Variants in MYO16 observed in about 807,000 individuals in gnomAD.
The protein encoded by MYO16 is unconventional myosin-XVI.
MYO16 carries 94 observed loss-of-function variants against 205.3 expected under a neutral mutation model. The observed-to-expected ratio is 0.46, with a 90% CI of 0.39 to 0.54. The LOEUF is 0.54. Among genes scored for constraint, MYO16 ranks in the 20% least tolerant of loss-of-function variants. The pLI is 0.00. For missense variants in MYO16, 2,315 were observed against 2,387.5 expected (o/e 0.97, Z 0.63); for synonymous variants, 988 against 954.0 (o/e 1.04, Z -0.66).
At chr13:108,914,767 T>G (rs1881414058) in intron 16 of MYO16, among the ~76,000 whole-genome samples, 1 of 152,128 alleles carries the variant, frequency 6.6e-6, no homozygotes, top group African/African-American at 2.4e-5. Flanking sequence ...ATCGGCCTCC[T>G]GAATAGCTGG....
At chr13:108,764,301 G>A (rs1411587855) in intron 4 of MYO16, among the ~76,000 whole-genome samples, 3 of 152,126 alleles carry the variant, frequency 2.0e-5, no homozygotes, top group Admixed American at 2.0e-4. Context: ...GTACACATTC[G>A]GGACATCAAT....
chr13:108,761,446 G>A (rs1445026654), intron 4 of MYO16, among the ~76,000 whole-genome samples: 1 of 142,994 alleles, frequency 7.0e-6, no homozygotes, highest in Admixed American at 7.3e-5. Context: ...TAGTGAAGCC[G>A]AGGGGGGAGA....
At chr13:108,800,150 T>C (rs533304831) in intron 6 of MYO16, among the ~76,000 whole-genome samples, 1 of 152,204 alleles carries the variant, frequency 6.6e-6, no homozygotes, top group African/African-American at 2.4e-5. Context: ...CTGTGCTTGC[T>C]CCATGAGGCA....
At chr13:109,037,656 C>A (rs1490343448) in intron 23 of MYO16, among the ~76,000 whole-genome samples, 1 of 150,622 alleles carries the variant, frequency 6.6e-6, no homozygotes, top group African/African-American at 2.5e-5. Flanking sequence ...ATCTCCAAAG[C>A]CACCGAGAGA....
At chr13:108,695,565 A>T (rs1883060420) in intron 2 of MYO16, among the ~76,000 whole-genome samples, 1 of 151,992 alleles carries the variant, frequency 6.6e-6, no homozygotes, top group South Asian at 2.1e-4. Context: ...CAAAAAAAAA[A>T]AGTTTTGGGG....
chr13:108,636,355 T>TGTGTGTG (rs1402041651), intron 1 of MYO16, among the ~76,000 whole-genome samples: 1 of 34,962 alleles, frequency 2.9e-5, no homozygotes, highest in Non-Finnish European at 5.5e-5. Flanking sequence ...CCTTTTTTTT[T>TGTGTGTG]TTTTTTTTTT....
chr13:109,141,406 T>G lies in MYO16; in HGVS notation c.5164+30T>G. 1 of 1,382,032 alleles carries G rather than the reference T, an allele frequency of 7.2e-7. No homozygotes were observed. The highest frequency in any genetic ancestry group is 2.8e-5 in the East Asian group (1 of 36,318). The allele number at this position is 1,382,032 out of a possible 1,614,324, so 85.6% of individuals were successfully genotyped here. On this transcript the variant is annotated intron_variant, in intron 32 of 34. Coordinates refer to ENST00000457511, the MANE Select transcript of MYO16 (RefSeq NM_001198950.3). This position sits in a 1 kb window ranked among gnomAD's most constrained non-coding sequence, Gnocchi z 4.1. ...GCGGAGCAGACATCCCCCCACTCCT[T>G]TTGCATGGACGCTGTGCTTGCGTGC...
intron 28 of MYO16, 117 bp from the exon 29 acceptor site, chr13:109,120,253 T>A: frequency 1.5e-6 from 1 of 671,812 alleles, no homozygotes; most frequent in Non-Finnish European, 2.5e-6. Context: ...TGTACTCTAA[T>A]TTTCTGAGTT....
chr13:109,198,459 T>C (rs966880693), intron 34 of MYO16, among the ~76,000 whole-genome samples: 4 of 152,180 alleles, frequency 2.6e-5, no homozygotes. Flanking sequence ...TGTAGAACTT[T>C]ATTTAGTTTT....
At chr13:108,793,388 G>GAATA in intron 5 of MYO16, 128 bp from the exon 6 acceptor site, 2 of 755,294 alleles carry the variant, frequency 2.6e-6, no homozygotes, top group African/African-American at 3.5e-5. Context: ...CTTTGAATGA[G>GAATA]TGTTCAAAGT....
At chr13:108,729,132 A>T (rs1030538508) in intron 4 of MYO16, among the ~76,000 whole-genome samples, 3 of 152,172 alleles carry the variant, frequency 2.0e-5, no homozygotes, top group African/African-American at 7.2e-5. Flanking sequence ...TACTGTATAT[A>T]AAAAAGCATG....
chr13:108,871,508 C>T (rs1385481425), intron 12 of MYO16, among the ~76,000 whole-genome samples: 1 of 152,088 alleles, frequency 6.6e-6, no homozygotes. Flanking sequence ...TTCCTCCTAG[C>T]AGGCACATAA....
At chr13:108,740,246 T>G (rs1053518980) in intron 4 of MYO16, among the ~76,000 whole-genome samples, 1 of 150,046 alleles carries the variant, frequency 6.7e-6, no homozygotes, top group African/African-American at 2.5e-5. Flanking sequence ...TTGGCTCTGT[T>G]TTTTCCCCAT....
chr13:108,968,687 T>C (rs1883894142), intron 20 of MYO16, among the ~76,000 whole-genome samples: 1 of 151,980 alleles, frequency 6.6e-6, no homozygotes, highest in Admixed American at 6.5e-5. Context: ...ATTTGATGAG[T>C]GACACAGCAG....
At chr13:108,920,561 C>T (rs980204758) in intron 16 of MYO16, among the ~76,000 whole-genome samples, 8 of 152,228 alleles carry the variant, frequency 5.3e-5, no homozygotes, top group South Asian at 2.1e-4. Flanking sequence ...CAGGTTCAAG[C>T]GATTCTCCAG....
At chr13:108,938,197 C>CT (rs1004706917) in intron 16 of MYO16, among the ~76,000 whole-genome samples, 112 of 151,964 alleles carry the variant, frequency 7.4e-4, no homozygotes, top group Middle Eastern at 3.4e-3. Context: ...CACCTATGTA[C>CT]TTTTTTTTGG....
intron 5 of MYO16, among the ~76,000 whole-genome samples, chr13:108,792,436 A>G (rs1886644389): frequency 6.6e-6 from 1 of 152,160 alleles, no homozygotes; most frequent in Admixed American, 6.6e-5. Flanking sequence ...CAAAACTAAA[A>G]AGTTAACATT....
intron 2 of MYO16, among the ~76,000 whole-genome samples, chr13:108,701,209 G>T (rs968276568): frequency 2.0e-5 from 3 of 152,054 alleles, no homozygotes; most frequent in African/African-American, 7.2e-5. Flanking sequence ...CAGGAGCGGA[G>T]AGGGAATCGG....
rs577151635 is a variant in MYO16 at position 109,108,764 on chromosome 13, G to T, written c.3438+7877G>T. On this transcript the variant is annotated intron_variant, in intron 28 of 34. Transcript: ENST00000457511. The stretch of plus-strand genomic sequence containing the variant: ...TGTCATGCAGGGCATTTCTGGGAGG[G>T]TCACATGCAGGCCCAGATCTGAAGG... Among the ~76,000 whole-genome samples the T allele has an allele frequency of 2.6e-5, 4 of 152,218 alleles. 1 individual carries two copies. In the South Asian group the frequency reaches 6.2e-4, roughly 24 times the overall value.
Sources: allele counts gnomAD v4.1 joint callset (sites outside exome capture counted in the v4.1 genomes callset), GRCh38; gene constraint gnomAD v4.1.1; non-coding constraint Gnocchi (gnomAD v3.1); transcripts MANE v1.5; gene names NCBI Gene and HGNC (gene_info 2026-07-23, HGNC 2026-07-21).